Variants in PRIMA1 observed in about 807,000 individuals in gnomAD.
PRIMA1 encodes proline rich membrane anchor 1.
A neutral mutation model predicts 17.5 loss-of-function variants in PRIMA1; 7 were observed. That is an observed-to-expected ratio of 0.40 (90% CI 0.23 to 0.75). The LOEUF is 0.75. Among genes scored for constraint, PRIMA1 ranks in the 30% least tolerant of loss-of-function variants. The pLI is 0.37. For missense variants in PRIMA1, 200 were observed against 201.8 expected, an observed-to-expected ratio of 0.99 and a Z score of 0.05; for synonymous variants, 97 against 77.9, an observed-to-expected ratio of 1.25 and a Z score of -1.29.
intron 2 of PRIMA1, among the ~76,000 whole-genome samples, chr14:93,782,420 A>G (rs533286270): frequency 4.9e-4 from 75 of 152,226 alleles, no homozygotes; most frequent in African/African-American, 1.7e-3. Flanking sequence ...GGGGTTCAAC[A>G]TCAGCCTGGG....
chr14:93,762,917 A>C (rs914288539), intron 3 of PRIMA1, among the ~76,000 whole-genome samples: 5 of 152,114 alleles, frequency 3.3e-5, no homozygotes, highest in African/African-American at 1.2e-4. Context: ...CTGCTGGGAC[A>C]GTCTCCCCAG....
chr14:93,740,778 A>T (rs74822837), intron 3 of PRIMA1, among the ~76,000 whole-genome samples: 1 of 152,324 alleles, frequency 6.6e-6, no homozygotes, highest in East Asian at 1.9e-4. Flanking sequence ...GATGTTAATG[A>T]CAATGAACTG....
At chr14:93,747,818 AGT>A (rs908009540) in intron 3 of PRIMA1, among the ~76,000 whole-genome samples, 5 of 141,846 alleles carry the variant, frequency 3.5e-5, no homozygotes, top group African/African-American at 8.1e-5. Flanking sequence ...AGTGTGTGGG[AGT>A]GTGATTGTGT....
intron 3 of PRIMA1, among the ~76,000 whole-genome samples, chr14:93,738,697 AC>A (rs1364660941): frequency 1.3e-5 from 2 of 151,936 alleles, no homozygotes; most frequent in African/African-American, 2.4e-5. Flanking sequence ...AGTGAAATGC[AC>A]CCCCCATCTT....
chr14:93,774,740 G>C (rs977136194), intron 3 of PRIMA1, among the ~76,000 whole-genome samples: 1 of 152,158 alleles, frequency 6.6e-6, no homozygotes, highest in Non-Finnish European at 1.5e-5. Flanking sequence ...TATCCCCCAA[G>C]TCTGGCTTGC....
chr14:93,781,777 C>G (rs1885381910), intron 2 of PRIMA1, among the ~76,000 whole-genome samples: 1 of 149,392 alleles, frequency 6.7e-6, no homozygotes, highest in African/African-American at 2.5e-5. Flanking sequence ...GAGTTCGAGA[C>G]CAGCCTGGCC....
At chr14:93,776,701 T>G (rs1282549723) in intron 3 of PRIMA1, among the ~76,000 whole-genome samples, 2 of 152,342 alleles carry the variant, frequency 1.3e-5, no homozygotes, top group East Asian at 3.9e-4. Context: ...TGAGAGCTGA[T>G]TTTAGATGGT....
At chr14:93,742,399 T>C (rs893725536) in intron 3 of PRIMA1, among the ~76,000 whole-genome samples, 2 of 151,834 alleles carry the variant, frequency 1.3e-5, no homozygotes, top group Admixed American at 6.6e-5. Context: ...CTGAGAAGAG[T>C]AGAAGCAGCC....
intron 4 of PRIMA1, among the ~76,000 whole-genome samples, chr14:93,732,515 C>A (rs2076121121): frequency 6.6e-6 from 1 of 152,190 alleles, no homozygotes; most frequent in Non-Finnish European, 1.5e-5. Flanking sequence ...TCTTTGGGGG[C>A]AGTCTGGTCT....
At position 93,721,264 on chromosome 14, in the gene PRIMA1, G is replaced by GC. The variant is rs1185456075; in HGVS notation, c.*179dup. On this transcript the variant is annotated 3_prime_UTR_variant, in exon 5 of 5. Transcript: ENST00000393140. The stretch of plus-strand genomic sequence containing the variant: ...TCAGCCTGGTGTCCGAGCTGCCTGG[G>GC]CCCGCAGGCTGACCAGGGGCAAGCC... The GC allele has an allele frequency of 7.0e-6, 4 of 574,370 alleles. No individual in the cohort carries two copies. The highest frequency in any genetic ancestry group is 1.2e-5 in the Non-Finnish European group (4 of 323,410). The allele number at this position is 574,370 out of a possible 1,614,324, so 35.6% of individuals were successfully genotyped here.
intron 2 of PRIMA1, among the ~76,000 whole-genome samples, chr14:93,786,380 G>C (rs1361340697): frequency 1.3e-5 from 2 of 152,174 alleles, no homozygotes; most frequent in Non-Finnish European, 2.9e-5. Flanking sequence ...CTGGGAGTAG[G>C]GGGTGCTGAG....
intron 4 of PRIMA1, among the ~76,000 whole-genome samples, chr14:93,727,416 G>A (rs920544118): frequency 2.0e-5 from 3 of 152,198 alleles, no homozygotes. Context: ...CATGCACAGA[G>A]CCCTGGACAG....
intron 3 of PRIMA1, among the ~76,000 whole-genome samples, chr14:93,740,324 T>C (rs966246660): frequency 2.0e-5 from 3 of 152,168 alleles, no homozygotes; most frequent in Non-Finnish European, 1.5e-5. Flanking sequence ...AAAAAATCCT[T>C]CCCTCCAATT....
intron 4 of PRIMA1, among the ~76,000 whole-genome samples, chr14:93,734,665 C>A (rs537700132): frequency 5.9e-5 from 9 of 152,226 alleles, no homozygotes; most frequent in Middle Eastern, 3.4e-3. Context: ...ACCACCCACA[C>A]CCCTGGAAGA....
intron 4 of PRIMA1, among the ~76,000 whole-genome samples, chr14:93,725,565 G>A (rs2076070100): frequency 6.6e-6 from 1 of 152,158 alleles, no homozygotes; most frequent in African/African-American, 2.4e-5. Context: ...ACCATTTTCT[G>A]GCCGTGTGAC....
rs2076024546 is a variant in PRIMA1, at chr14:93,719,628, C to G, written c.*1816G>C. 1 of 153,120 alleles carries G rather than the reference C, an allele frequency of 6.5e-6. No homozygotes were observed. The highest frequency in any genetic ancestry group is 2.4e-5 in the African/African-American group (1 of 41,460). The allele number at this position is 153,120 out of a possible 1,614,324, so 9.5% of individuals were successfully genotyped here. A position where few individuals can be genotyped will look rare whatever the true frequency, so the allele number is the denominator to read the frequency against. On this transcript the variant is annotated 3_prime_UTR_variant, in exon 5 of 5. Transcript: ENST00000393140. Reference sequence around the variant, plus strand: ...AGGGGAGAGTGCCCTGGGGTGGGGTCTGCTGGGTTTCCCCCTTTAACCTGC... The same window carrying G: ...AGGGGAGAGTGCCCTGGGGTGGGGTGTGCTGGGTTTCCCCCTTTAACCTGC...
At position 93,768,973 on chromosome 14, in the gene PRIMA1, A is replaced by C. The variant is rs1383158408; in HGVS notation, c.229+10203T>G. On this transcript the variant is annotated intron_variant, in intron 3 of 4. Transcript: ENST00000393140. ...GGTGTGCACCACCACAACCGGCTAA[A>C]GATCACTTTTTTAAAAGGCCAGTGA... Among the ~76,000 whole-genome samples, 12 of 80,054 alleles carry C rather than the reference A, an allele frequency of 1.5e-4. 1 individual carries two copies. The East Asian group carries it at 2.7e-3, about 18-fold the overall frequency. The allele number at this position is 80,054 out of a possible 152,430, so 52.5% of individuals were successfully genotyped here.
intron 3 of PRIMA1, among the ~76,000 whole-genome samples, chr14:93,758,715 T>C (rs942814764): frequency 2.0e-5 from 3 of 152,064 alleles, no homozygotes; most frequent in African/African-American, 4.8e-5. Flanking sequence ...CCACTTAGAA[T>C]GTCAGTAGCC....
chr14:93,750,792 C>G (rs535629323), intron 3 of PRIMA1, among the ~76,000 whole-genome samples: 2 of 152,150 alleles, frequency 1.3e-5, no homozygotes, highest in African/African-American at 4.8e-5. Context: ...CAACCCACTC[C>G]TTCCGTATTA....
Sources: allele counts gnomAD v4.1 joint callset (sites outside exome capture counted in the v4.1 genomes callset), GRCh38; gene constraint gnomAD v4.1.1; transcripts MANE v1.5; gene names NCBI Gene and HGNC (gene_info 2026-07-23, HGNC 2026-07-21).